The following NNT variants were observed in gnomAD, a reference collection of about 807,000 sequenced individuals.
The protein encoded by NNT is NAD(P) transhydrogenase, mitochondrial.
A neutral mutation model predicts 104.8 loss-of-function variants in NNT; 50 were observed. That is an observed-to-expected ratio of 0.48 (90% confidence interval 0.38 to 0.60). The LOEUF (loss-of-function observed/expected upper bound fraction) is 0.60. Among genes scored for constraint, NNT ranks in the 20% least tolerant of loss-of-function variants. NNT has a pLI of 0.00. For missense variants in NNT, 1,131 were observed against 1,330.7 expected (o/e 0.85, Z 2.33); for synonymous variants, 461 against 490.4 (o/e 0.94, Z 0.79).
chr5:43,621,566 G>GA (rs1343479767), intron 5 of NNT, among the ~76,000 whole-genome samples: 1 of 148,146 alleles, frequency 6.8e-6, no homozygotes, highest in Non-Finnish European at 1.5e-5. Flanking sequence ...TTTTGACTTG[G>GA]TTTTTTTTTT....
chr5:43,666,286 A>C (rs1282442957), intron 17 of NNT, among the ~76,000 whole-genome samples: 3 of 151,874 alleles, frequency 2.0e-5, no homozygotes, highest in African/African-American at 7.3e-5. Context: ...ATGCCACTGC[A>C]CTCCAGCCTG....
chr5:43,655,837 C>T lies in NNT; in HGVS notation c.2060-3C>T. On this transcript the variant is annotated splice_region_variant and splice_polypyrimidine_tract_variant and intron_variant, in intron 14 of 21. Coordinates refer to ENST00000344920, the MANE Select transcript of NNT (RefSeq NM_182977.3). ...TTAATTTATTTTTGACCTTTCATAA[C>T]AGGATTGACAATTGCCAAACGCATC... The T allele has an allele frequency of 1.2e-6, 2 of 1,609,008 alleles. No homozygotes were observed. The highest frequency in any genetic ancestry group is 1.1e-5 in the South Asian group (1 of 90,952).
At chr5:43,641,415 A>G (rs991580668) in intron 7 of NNT, among the ~76,000 whole-genome samples, 1 of 152,114 alleles carries the variant, frequency 6.6e-6, no homozygotes, top group Non-Finnish European at 1.5e-5. Context: ...TGTAGCCCTT[A>G]TTAAAAACGT....
In NNT at chr5:43,650,472, T is replaced by A; in HGVS notation, c.1607-5T>A. 6.2e-7 allele frequency: 1 copy of A among 1,611,100 alleles called. No homozygotes were observed. The highest frequency in any genetic ancestry group is 8.5e-7 in the Non-Finnish European group (1 of 1,177,278). On this transcript the variant is annotated splice_region_variant and splice_polypyrimidine_tract_variant and intron_variant, in intron 11 of 21. Coordinates refer to ENST00000344920, the MANE Select transcript of NNT (RefSeq NM_182977.3). ...CTATTAACCATGTTAATGCTTTCTTTCTAGGGCTGACTGCAGTTGGTGGGT... is the reference window on the plus strand; with the variant it reads ...CTATTAACCATGTTAATGCTTTCTTACTAGGGCTGACTGCAGTTGGTGGGT...
intron 17 of NNT, among the ~76,000 whole-genome samples, chr5:43,663,771 T>C (rs1740492905): frequency 6.6e-6 from 1 of 152,268 alleles, no homozygotes; most frequent in Non-Finnish European, 1.5e-5. Context: ...ATTCTCATTT[T>C]ACTGAGAAAG....
chr5:43,700,763 A>G (rs771993279), intron 20 of NNT, among the ~76,000 whole-genome samples: 4 of 152,248 alleles, frequency 2.6e-5, no homozygotes, highest in Non-Finnish European at 5.9e-5. Flanking sequence ...CATAGGGTAG[A>G]TGTTGAATGG....
rs1740065256 is a variant in NNT, at chr5:43,656,682, C to T, written c.2323C>T (p.Pro775Ser). Residue 775 changes from proline (P) to serine (S), a missense_variant, in exon 16 of 22, where the codon CCT (proline) becomes TCT (serine). Coordinates refer to ENST00000344920, the MANE Select transcript of NNT (RefSeq NM_182977.3). ...CCTGAAATCTGCCCCTCTCCTACTG[C>T]CTGGAAGGCACTTACTCAATGCAGG... ...GLLKSAPLLL[P>S]GRHLLNAGLL... is the part of the protein sequence containing the mutation. 1 of 1,613,610 alleles carries T rather than the reference C, an allele frequency of 6.2e-7. No homozygotes were observed. Among genetic ancestry groups the T allele is most frequent in the African/African-American group, 1.3e-5 (1 of 74,922 alleles).
At chr5:43,629,524 C>G (rs941942506) in intron 7 of NNT, among the ~76,000 whole-genome samples, 2 of 152,122 alleles carry the variant, frequency 1.3e-5, no homozygotes, top group African/African-American at 4.8e-5. Flanking sequence ...AATGGTAGTT[C>G]TACTTTAGTT....
Position 43,650,496 on chromosome 5 carries a change from G to T in NNT, c.1626G>T (p.Gly542=), listed in dbSNP as rs764521992. The T allele has an allele frequency of 6.2e-6, 10 of 1,614,004 alleles. No homozygotes were observed. The highest frequency in any genetic ancestry group is 2.2e-5 in the East Asian group (1 of 44,872). The change falls in exon 12 of 22, where the codon GGG becomes GGT. Residue 542 remains glycine, a synonymous_variant. Coordinates refer to ENST00000344920, the MANE Select transcript of NNT (RefSeq NM_182977.3). ...NAISGLTAVG[G]LALMGGHLYP... ...TTCTAGGGCTGACTGCAGTTGGTGG[G>T]TTGGCACTGATGGGAGGACATTTGT...
Position 43,651,853 on chromosome 5 carries a change from C to T in NNT, c.1832C>T (p.Ala611Val). 7.4e-6 allele frequency: 12 copies of T among 1,614,190 alleles called. No homozygotes were observed. Among genetic ancestry groups the T allele is most frequent in the Non-Finnish European group, 1.0e-5 (12 of 1,180,032 alleles). The change falls in exon 13 of 22, where the codon GCT becomes GTT. Residue 611 changes from alanine to valine, a missense_variant. Ala to Val is a moderately conservative substitution (Grantham distance 64, BLOSUM62 0). Transcript: ENST00000344920. ...PAGTFVGGYL[A>V]ALYSGYNIEQ... ...GGCACCTTTGTTGGTGGATATTTAG[C>T]TGCCCTCTACAGTGGTTATAACATT... is the stretch of plus-strand genomic sequence containing the variant.
intron 16 of NNT, 71 bp from the exon 17 acceptor site, chr5:43,659,100 C>T: frequency 7.1e-7 from 1 of 1,409,712 alleles, no homozygotes; most frequent in African/African-American, 1.4e-5. Context: ...AATTAAGGAG[C>T]AAAATGTTAA....
chr5:43,653,288 A>G lies in NNT; in HGVS notation c.2059+75A>G, dbSNP rs944832690. 1.4e-5 allele frequency: 19 copies of G among 1,337,310 alleles called. No individual in the cohort carries two copies. The African/African-American group carries it at 2.6e-4, about 19-fold the overall frequency. The allele number at this position is 1,337,310 out of a possible 1,614,324, so 82.8% of individuals were successfully genotyped here. On this transcript the variant is annotated intron_variant, in intron 14 of 21. Coordinates refer to ENST00000344920, the MANE Select transcript of NNT (RefSeq NM_182977.3). ...TATATTTCTAAGGTCCATATTGATG[A>G]AATAATTAAATTTTGTTCATGGAAG...
At chr5:43,674,762 T>C (rs1215895717) in intron 17 of NNT, among the ~76,000 whole-genome samples, 1 of 152,230 alleles carries the variant, frequency 6.6e-6, no homozygotes, top group South Asian at 2.1e-4. Context: ...TGTAACATAT[T>C]TCAGCAGTGG....
chr5:43,646,445 A>C (rs936085778), intron 10 of NNT, among the ~76,000 whole-genome samples: 4 of 149,426 alleles, frequency 2.7e-5, no homozygotes, highest in African/African-American at 7.4e-5. Context: ...GCATGCCACC[A>C]CGCCCAGCTA....
chr5:43,603,127 C>A (rs947052555), upstream of NNT: 193 of 152,730 alleles, frequency 1.3e-3, 4 homozygotes, highest in Non-Finnish European at 3.9e-4. Flanking sequence ...GGGCGCGGGC[C>A]GAGGTGGGAG....
intron 19 of NNT, among the ~76,000 whole-genome samples, chr5:43,699,093 A>G (rs905508068): frequency 5.3e-5 from 8 of 151,986 alleles, no homozygotes; most frequent in Non-Finnish European, 1.2e-4. Flanking sequence ...TACTGTGGAG[A>G]CAGATAAATA....
intron 17 of NNT, chr5:43,666,703 T>C: frequency 2.1e-6 from 2 of 941,966 alleles, no homozygotes; most frequent in Non-Finnish European, 3.2e-6. Flanking sequence ...ATGCAGATGG[T>C]AGCCCAGGGA....
chr5:43,659,045 G>C, intron 16 of NNT, 126 bp from the exon 17 acceptor site: 1 of 901,806 alleles, frequency 1.1e-6, no homozygotes. Context: ...ACTTATTACC[G>C]GAAGTGGAAC....
chr5:43,663,293 G>T (rs1740467664), intron 17 of NNT, among the ~76,000 whole-genome samples: 1 of 151,974 alleles, frequency 6.6e-6, no homozygotes. Context: ...ATGGTCAAAG[G>T]GAGTAAGAAC....
Sources: allele counts gnomAD v4.1 joint callset (sites outside exome capture counted in the v4.1 genomes callset), GRCh38; gene constraint gnomAD v4.1.1; transcripts MANE v1.5; gene names NCBI Gene and HGNC (gene_info 2026-07-23, HGNC 2026-07-21).